The following MT1A variants were observed in gnomAD, a reference collection of about 807,000 sequenced individuals.
MT1A encodes the protein metallothionein-1A.
A neutral mutation model predicts 5.5 loss-of-function variants in MT1A; 6 were observed. The observed-to-expected ratio is 1.09, with a 90% CI of 0.60 to 2.16. The LOEUF is 2.16. Ranked by LOEUF, MT1A falls within the 30% of genes most tolerant of loss-of-function variation. The probability of loss-of-function intolerance (pLI) is 0.00; values close to 1 mark genes in which losing one functional copy is unlikely to be tolerated. For missense variants in MT1A, 69 were observed against 73.4 expected (o/e 0.94, Z 0.22); for synonymous variants, 23 against 24.8 (o/e 0.93, Z 0.21).
At chr16:56,639,515 A>T (rs969283774) in intron 2 of MT1A, among the ~76,000 whole-genome samples, 186 bp downstream of exon 2, 43 of 5,450 alleles carry the variant, frequency 7.9e-3, no homozygotes, top group Non-Finnish European at 0.035. Context: ...AAATAGACAA[A>T]CTGAGGCCAA....
At chr16:56,638,849 T>A (rs1960409858) in intron 1 of MT1A, 83 bp downstream of exon 1, 1 of 1,536,448 alleles carries the variant, frequency 6.5e-7, no homozygotes, top group Middle Eastern at 1.7e-4. Flanking sequence ...AGGTGTTTTT[T>A]GAGTTCTAGC....
intron 2 of MT1A, 145 bp from the exon 3 acceptor site, chr16:56,639,714 A>G (rs1269322121): frequency 1.8e-6 from 2 of 1,086,352 alleles, no homozygotes; most frequent in South Asian, 2.9e-5. Context: ...AAGATCCACC[A>G]CTTATCTCCC....
Position 56,639,956 on chromosome 16 carries a change from G to A in MT1A, c.*6G>A, listed in dbSNP as rs757685038. On this transcript the variant is annotated 3_prime_UTR_variant, in exon 3 of 3. Coordinates refer to ENST00000290705, the MANE Select transcript of MT1A (RefSeq NM_005946.3). ...AGTGCAGCTGCTGTGCCTGATGTCC[G>A]GACAGCCCTGCTCGAAGATATAGAA... The A allele has an allele frequency of 1.4e-5, 22 of 1,614,004 alleles. No individual in the cohort carries two copies. Among genetic ancestry groups the A allele is most frequent in the East Asian group, 1.1e-4 (5 of 44,900 alleles).
chr16:56,639,973 G>C lies in MT1A; in HGVS notation c.*23G>C, dbSNP rs1453660777. On this transcript the variant is annotated 3_prime_UTR_variant, in exon 3 of 3. Coordinates refer to ENST00000290705, the MANE Select transcript of MT1A (RefSeq NM_005946.3). Reference sequence around the variant, plus strand: ...TGATGTCCGGACAGCCCTGCTCGAAGATATAGAAAGAGTGACCTGCACAAA... The same window carrying C: ...TGATGTCCGGACAGCCCTGCTCGAACATATAGAAAGAGTGACCTGCACAAA... The C allele has an allele frequency of 3.7e-6, 6 of 1,613,462 alleles. No individual in the cohort carries two copies. The highest frequency in any genetic ancestry group is 4.2e-6 in the Non-Finnish European group (5 of 1,179,768).
rs759083322 is a variant in MT1A at position 56,638,780 on chromosome 16, G to A, written c.28+14G>A. 4.2e-5 allele frequency: 67 copies of A among 1,613,280 alleles called. No individual in the cohort carries two copies. In the East Asian group the frequency reaches 1.4e-3, roughly 34 times the overall value. Reference sequence around the variant, plus strand: ...CCTGCGCCACTGGTAAGGGATGCTAGGTTTCTGGTCCTTAGGATACCTATT... The same window carrying A: ...CCTGCGCCACTGGTAAGGGATGCTAAGTTTCTGGTCCTTAGGATACCTATT... On this transcript the variant is annotated intron_variant, in intron 1 of 2. Coordinates refer to ENST00000290705, the MANE Select transcript of MT1A (RefSeq NM_005946.3).
intron 1 of MT1A, among the ~76,000 whole-genome samples, chr16:56,639,004 G>A (rs940596204): frequency 9.9e-5 from 15 of 152,162 alleles, no homozygotes; most frequent in African/African-American, 3.4e-4. Context: ...CACCCAGGTA[G>A]TCGGGGACTG....
In MT1A at chr16:56,639,307, C is replaced by A. The variant is rs1286483936; in HGVS notation, c.72C>A (p.Cys24Ter). The change falls in exon 2 of 3, where the codon TGC (cysteine) becomes TGA (stop). Residue 24 changes from cysteine (C) to a stop codon, truncating the protein, a stop_gained. Transcript: ENST00000290705. LOFTEE classifies it high-confidence loss of function. ...CTGGCTCCTGCAAATGCAAAGAGTGCAAATGCACCTCCTGCAAGAAGAGTG... is the reference window on the plus strand; with the variant it reads ...CTGGCTCCTGCAAATGCAAAGAGTGAAAATGCACCTCCTGCAAGAAGAGTG... ...TCTGSCKCKE[C>*]KCTSCKKSCC... 1 of 1,612,124 alleles carries A rather than the reference C, an allele frequency of 6.2e-7. No individual in the cohort carries two copies.
At chr16:56,639,730 C>T (rs932235800) in intron 2 of MT1A, 129 bp from the exon 3 acceptor site, 39 of 1,246,080 alleles carry the variant, frequency 3.1e-5, no homozygotes, top group African/African-American at 1.0e-4. Flanking sequence ...CTCCCATCTC[C>T]GACAGTGCAT....
intron 2 of MT1A, 22 bp from the exon 3 acceptor site, chr16:56,639,837 C>G (rs2144322025): frequency 6.2e-7 from 1 of 1,614,014 alleles, no homozygotes; most frequent in African/African-American, 1.3e-5. Context: ...GGTCTGACCT[C>G]TCACTCTCCC....
chr16:56,639,787 C>T (rs1209352462), intron 2 of MT1A, 72 bp from the exon 3 acceptor site: 2 of 1,597,906 alleles, frequency 1.3e-6, no homozygotes, highest in Non-Finnish European at 1.7e-6. Context: ...AGAGCTTGGG[C>T]CAGGCTTCTC....
At position 56,639,966 on chromosome 16, in the gene MT1A, G is replaced by C. The variant is rs773110944; in HGVS notation, c.*16G>C. Reference sequence around the variant, plus strand: ...CTGTGCCTGATGTCCGGACAGCCCTGCTCGAAGATATAGAAAGAGTGACCT... The same window carrying C: ...CTGTGCCTGATGTCCGGACAGCCCTCCTCGAAGATATAGAAAGAGTGACCT... On this transcript the variant is annotated 3_prime_UTR_variant, in exon 3 of 3. Coordinates refer to ENST00000290705, the MANE Select transcript of MT1A (RefSeq NM_005946.3). The C allele has an allele frequency of 5.6e-6, 9 of 1,613,816 alleles. No homozygotes were observed. Among genetic ancestry groups the C allele is most frequent in the African/African-American group, 2.7e-5 (2 of 74,924 alleles).
chr16:56,638,997 C>T (rs540492879), intron 1 of MT1A, among the ~76,000 whole-genome samples: 3 of 152,240 alleles, frequency 2.0e-5, no homozygotes, highest in Admixed American at 2.0e-4. Flanking sequence ...TCCATGTCAC[C>T]CAGGTAGTCG....
rs200659266 is a variant in MT1A, at chr16:56,639,927, G to C, written c.163G>C (p.Glu55Gln). The stretch of plus-strand genomic sequence containing the variant: ...GGGCTGCATCTGCAAAGGGGCATCA[G>C]AGAAGTGCAGCTGCTGTGCCTGATG... Reference protein sequence around the residue: ...AQGCICKGASEKCSCCA With the variant: ...AQGCICKGASQKCSCCA The change falls in exon 3 of 3, where the codon GAG becomes CAG. Residue 55 changes from glutamate to glutamine, a missense_variant. Physicochemically the swap from Glu to Gln is conservative, Grantham distance 29. Transcript: ENST00000290705. 1 of 1,614,244 alleles carries C rather than the reference G, an allele frequency of 6.2e-7. No individual in the cohort carries two copies. Among genetic ancestry groups the C allele is most frequent in the Non-Finnish European group, 8.5e-7 (1 of 1,180,040 alleles).
chr16:56,639,236 A>G (rs11076161), intron 1 of MT1A, 28 bp from the exon 2 acceptor site: 1,156,566 of 1,608,540 alleles, frequency 0.72, 418,039 homozygotes, highest in Middle Eastern at 0.79. Flanking sequence ...TCTGTATAAA[A>G]TTCACTGCCT....
At position 56,638,671 on chromosome 16, in the gene MT1A, G is replaced by A. The variant is rs1462633344; in HGVS notation, c.-68G>A. 4.4e-6 allele frequency: 7 copies of A among 1,576,182 alleles called. No individual in the cohort carries two copies. The highest frequency in any genetic ancestry group is 6.1e-6 in the Non-Finnish European group (7 of 1,145,978). On this transcript the variant is annotated 5_prime_UTR_variant, in exon 1 of 3. Transcript: ENST00000290705. ...GCCGCTGGCTGCTGGGCCCTACCAAGCCTTCCACGTGCGCCTTATAGCCTC... is the reference window on the plus strand; with the variant it reads ...GCCGCTGGCTGCTGGGCCCTACCAAACCTTCCACGTGCGCCTTATAGCCTC...
intron 1 of MT1A, among the ~76,000 whole-genome samples, chr16:56,638,990 A>T (rs1960411291): frequency 6.6e-6 from 1 of 152,084 alleles, no homozygotes. Flanking sequence ...CTCCTGCTCC[A>T]TGTCACCCAG....
chr16:56,639,524 A>AAG (rs58069153), intron 2 of MT1A, among the ~76,000 whole-genome samples, 195 bp downstream of exon 2: 150,201 of 152,284 alleles, frequency 0.99, 74,098 homozygotes, highest in South Asian at 1. Flanking sequence ...AACTGAGGCC[A>AAG]AGAGTGCACC....
At position 56,639,277 on chromosome 16, in the gene MT1A, C is replaced by T. The variant is rs370377700; in HGVS notation, c.42C>T (p.Thr14=). 60 of 1,612,088 alleles carry T rather than the reference C, an allele frequency of 3.7e-5. No individual in the cohort carries two copies. The African/African-American group carries it at 7.5e-4, about 20-fold the overall frequency. The change falls in exon 2 of 3, where the codon ACC becomes ACT. Residue 14 remains threonine, a synonymous_variant. Coordinates refer to ENST00000290705, the MANE Select transcript of MT1A (RefSeq NM_005946.3). ...NCSCATGGSC[T]CTGSCKCKEC... is the part of the protein sequence containing the mutation. ...TCTTCCTTGCAGGTGGCTCCTGCAC[C>T]TGCACTGGCTCCTGCAAATGCAAAG...
Position 56,639,850 on chromosome 16 carries a change from C to G in MT1A, c.95-9C>G. The G allele has an allele frequency of 6.2e-7, 1 of 1,614,160 alleles. No individual in the cohort carries two copies. The highest frequency in any genetic ancestry group is 8.5e-7 in the Non-Finnish European group (1 of 1,180,014). ...CTGGTCTGACCTCTCACTCTCCCTT[C>G]TTCCCCAGGCTGCTGCTCCTGCTGC... On this transcript the variant is annotated splice_polypyrimidine_tract_variant and intron_variant, in intron 2 of 2. Transcript: ENST00000290705.
Sources: allele counts gnomAD v4.1 joint callset (sites outside exome capture counted in the v4.1 genomes callset), GRCh38; gene constraint gnomAD v4.1.1; transcripts MANE v1.5; gene names NCBI Gene and HGNC (gene_info 2026-07-23, HGNC 2026-07-21).